Variants in CCSER1 observed in about 807,000 individuals in gnomAD.
CCSER1 encodes coiled-coil serine rich protein 1, also known as serine-rich coiled-coil domain-containing protein 1.
Under a neutral mutation model 82.0 loss-of-function variants are expected in CCSER1, and 41 were observed. The ratio of observed to expected loss-of-function variants is 0.50; its 90% CI spans 0.39 to 0.65. The LOEUF (loss-of-function observed/expected upper bound fraction) is 0.65, where lower values mean the gene tolerates loss of function less well. CCSER1 is among the 30% of genes least tolerant of loss of function. The probability of loss-of-function intolerance (pLI) is 0.00; values close to 1 mark genes in which losing one functional copy is unlikely to be tolerated. For synonymous variants in CCSER1, 414 were observed against 383.9 expected (o/e 1.08, Z -0.92); for missense variants, 1,119 against 1,064.2 (o/e 1.05, Z -0.72).
chr4:90,388,916 G>A (rs1437205276), intron 3 of CCSER1, among the ~76,000 whole-genome samples: 1 of 152,202 alleles, frequency 6.6e-6, no homozygotes, highest in Non-Finnish European at 1.5e-5. Context: ...GAGTACAGGC[G>A]TGAACCACCT....
intron 10 of CCSER1, among the ~76,000 whole-genome samples, chr4:91,403,576 C>G (rs2149362474): frequency 6.6e-6 from 1 of 152,154 alleles, no homozygotes; most frequent in African/African-American, 2.4e-5. Context: ...CCCATCGATA[C>G]CTAATTTATT....
At chr4:90,312,375 T>C (rs1735444478) in intron 2 of CCSER1, among the ~76,000 whole-genome samples, 1 of 152,148 alleles carries the variant, frequency 6.6e-6, no homozygotes, top group African/African-American at 2.4e-5. Context: ...TGTTATGCCA[T>C]TTGAAAAACA....
intron 10 of CCSER1, among the ~76,000 whole-genome samples, chr4:91,379,232 T>C (rs542112322): frequency 0.13 from 19,586 of 151,864 alleles, 1,429 homozygotes; most frequent in Middle Eastern, 0.19. Context: ...TGTGTCTCTG[T>C]CAGGCTTTGG....
chr4:91,044,208 A>G (rs965060801), intron 9 of CCSER1, among the ~76,000 whole-genome samples: 1 of 152,228 alleles, frequency 6.6e-6, no homozygotes, highest in African/African-American at 2.4e-5. Flanking sequence ...TAATGGAGGC[A>G]GAGACTTCTG....
At chr4:91,496,721 AGAATATATATATATATTGAATATATAT>A (rs1758891590) in intron 10 of CCSER1, among the ~76,000 whole-genome samples, 5 of 18,580 alleles carry the variant, frequency 2.7e-4, no homozygotes, top group African/African-American at 7.0e-4. Flanking sequence ...TTCAATATAT[AGAATATATATATATATTGAATATATAT>A]TTGAATATAT....
chr4:90,832,469 G>A (rs1761245897), intron 8 of CCSER1, among the ~76,000 whole-genome samples: 1 of 151,946 alleles, frequency 6.6e-6, no homozygotes, highest in South Asian at 2.1e-4. Flanking sequence ...CATCTTCATC[G>A]CTTTGAGTTG....
intron 6 of CCSER1, among the ~76,000 whole-genome samples, chr4:90,645,500 A>G (rs1013698027): frequency 6.6e-6 from 1 of 152,074 alleles, no homozygotes; most frequent in South Asian, 2.1e-4. Context: ...ATATGTAGGG[A>G]TTTACTGTTT....
intron 10 of CCSER1, among the ~76,000 whole-genome samples, chr4:91,271,175 T>C (rs1741998957): frequency 6.6e-6 from 1 of 152,184 alleles, no homozygotes; most frequent in African/African-American, 2.4e-5. Flanking sequence ...GTGGGTAAAT[T>C]GAATAATCTA....
intron 10 of CCSER1, among the ~76,000 whole-genome samples, chr4:91,157,058 A>G (rs1192532884): frequency 6.6e-6 from 1 of 151,884 alleles, no homozygotes; most frequent in Non-Finnish European, 1.5e-5. Context: ...TTTCAAGGAC[A>G]TTTAATCTGT....
chr4:90,259,576 A>G (rs1312838774), intron 1 of CCSER1, among the ~76,000 whole-genome samples: 2 of 151,774 alleles, frequency 1.3e-5, no homozygotes, highest in African/African-American at 4.8e-5. Flanking sequence ...GCTTTTAGCT[A>G]AGATGTTAGC....
At position 91,029,905 on chromosome 4, in the gene CCSER1, A is replaced by G. The variant is rs1028821020; in HGVS notation, c.2173-56045A>G. Among the ~76,000 whole-genome samples the G allele has an allele frequency of 1.1e-4, 16 of 152,266 alleles. 1 individual carries two copies. Among genetic ancestry groups the G allele is most frequent in the African/African-American group, 3.8e-4 (16 of 41,574 alleles). ...TGGGCATTAAATTCACACTGCTAAC[A>G]ATGTACAAAATGTACCACTAAAATA... On this transcript the variant is annotated intron_variant, in intron 9 of 10. Transcript: ENST00000509176.
At chr4:91,486,732 C>T (rs1369476643) in intron 10 of CCSER1, among the ~76,000 whole-genome samples, 3 of 152,004 alleles carry the variant, frequency 2.0e-5, no homozygotes, top group African/African-American at 7.2e-5. Context: ...AGATTTTATG[C>T]AACTACTATG....
At chr4:90,418,512 C>T (rs1307846596) in intron 4 of CCSER1, among the ~76,000 whole-genome samples, 3 of 151,756 alleles carry the variant, frequency 2.0e-5, no homozygotes, top group Non-Finnish European at 4.4e-5. Context: ...AGTCTAGGTG[C>T]CAATTTATGA....
intron 10 of CCSER1, among the ~76,000 whole-genome samples, chr4:91,167,185 CTTT>C (rs55920118): frequency 1.6e-5 from 2 of 121,492 alleles, no homozygotes; most frequent in East Asian, 2.4e-4. Context: ...AATTGCAATA[CTTT>C]TTTTTTTTTT....
intron 6 of CCSER1, among the ~76,000 whole-genome samples, chr4:90,649,059 G>A (rs1450251209): frequency 1.3e-5 from 2 of 152,244 alleles, no homozygotes; most frequent in East Asian, 3.9e-4. Flanking sequence ...CTCCTTGAAT[G>A]GTTTCACTAT....
At chr4:90,674,568 T>C (rs1378689363) in intron 6 of CCSER1, among the ~76,000 whole-genome samples, 1 of 151,918 alleles carries the variant, frequency 6.6e-6, no homozygotes, top group Admixed American at 6.6e-5. Context: ...GGCATTGTTT[T>C]ATTACCAAAC....
chr4:90,830,295 T>C (rs758473472), intron 8 of CCSER1, among the ~76,000 whole-genome samples: 25 of 152,192 alleles, frequency 1.6e-4, no homozygotes, highest in Non-Finnish European at 2.8e-4. Context: ...TCTTTTATAT[T>C]GAGGAAACCA....
chr4:90,605,364 T>C (rs1055411093), intron 5 of CCSER1, among the ~76,000 whole-genome samples: 2 of 152,214 alleles, frequency 1.3e-5, no homozygotes, highest in Admixed American at 6.5e-5. Context: ...TTGTGAATTA[T>C]GTTTACAAGA....
At chr4:90,650,511 C>A (rs1189760203) in intron 6 of CCSER1, among the ~76,000 whole-genome samples, 1 of 152,082 alleles carries the variant, frequency 6.6e-6, no homozygotes, top group East Asian at 1.9e-4. Context: ...TCTGAAACAA[C>A]CTGCTTGTGC....
Sources: allele counts gnomAD v4.1 joint callset (sites outside exome capture counted in the v4.1 genomes callset), GRCh38; gene constraint gnomAD v4.1.1; transcripts MANE v1.5; gene names NCBI Gene and HGNC (gene_info 2026-07-23, HGNC 2026-07-21).